The following ADGRB3 variants were observed in gnomAD, a reference collection of about 807,000 sequenced individuals.
ADGRB3 encodes adhesion G protein-coupled receptor B3, also known as brain-specific angiogenesis inhibitor 3.
ADGRB3 carries 37 observed loss-of-function variants against 193.4 expected under a neutral mutation model. The observed-to-expected ratio is 0.19, with a 90% confidence interval of 0.15 to 0.25. The LOEUF (loss-of-function observed/expected upper bound fraction) is 0.25, where lower values mean the gene tolerates loss of function less well. Ranked by LOEUF, ADGRB3 falls within the 10% of genes least tolerant of loss-of-function variation. The probability of loss-of-function intolerance (pLI) is 1.00; values close to 1 mark genes in which losing one functional copy is unlikely to be tolerated. For synonymous variants in ADGRB3, 690 were observed against 644.2 expected, an observed-to-expected ratio of 1.07 and a Z score of -1.08; for missense variants, 1,637 against 1,852.9, an observed-to-expected ratio of 0.88 and a Z score of 2.14.
chr6:68,979,715 C>T (rs1377301216), intron 10 of ADGRB3, among the ~76,000 whole-genome samples: 1 of 151,362 alleles, frequency 6.6e-6, no homozygotes, highest in Non-Finnish European at 1.5e-5. Flanking sequence ...TTAACAATAT[C>T]ATTTCTTATT....
At chr6:68,899,845 A>G (rs1766344069) in intron 3 of ADGRB3, among the ~76,000 whole-genome samples, 1 of 152,090 alleles carries the variant, frequency 6.6e-6, no homozygotes, top group Non-Finnish European at 1.5e-5. Flanking sequence ...AATAATAAAA[A>G]TTACTAAACA....
intron 3 of ADGRB3, among the ~76,000 whole-genome samples, chr6:68,727,878 C>G (rs1199057759): frequency 6.6e-6 from 1 of 151,550 alleles, no homozygotes; most frequent in African/African-American, 2.4e-5. Context: ...CCTCAATCAG[C>G]TGACATAAAA....
chr6:68,878,181 C>T (rs573785256), intron 3 of ADGRB3, among the ~76,000 whole-genome samples: 1 of 151,670 alleles, frequency 6.6e-6, no homozygotes, highest in African/African-American at 2.4e-5. Flanking sequence ...TAAAATACTT[C>T]TTTTTCTTTT....
At chr6:69,056,241 CTTG>C (rs1186929010) in intron 15 of ADGRB3, among the ~76,000 whole-genome samples, 20 of 152,012 alleles carry the variant, frequency 1.3e-4, no homozygotes, top group Non-Finnish European at 2.8e-4. Flanking sequence ...TTTTTATATC[CTTG>C]TTGTCCATTT....
At position 68,694,436 on chromosome 6, in the gene ADGRB3, A is replaced by T. The variant is rs567875594; in HGVS notation, c.757+55004A>T. Among the ~76,000 whole-genome samples the T allele has an allele frequency of 5.9e-5, 9 of 152,042 alleles. No individual in the cohort carries two copies. In the South Asian group the frequency reaches 1.7e-3, roughly 28 times the overall value. ...CCACCACTATACTGAGATTTATCGA[A>T]GTTTGAGAGGGTAACTAGTATCAAG... is the stretch of plus-strand genomic sequence containing the variant. On this transcript the variant is annotated intron_variant, in intron 3 of 31. Coordinates refer to ENST00000370598, the MANE Select transcript of ADGRB3 (RefSeq NM_001704.3).
At chr6:69,387,820 TA>T (rs1307121734) in intron 31 of ADGRB3, among the ~76,000 whole-genome samples, 1 of 152,110 alleles carries the variant, frequency 6.6e-6, no homozygotes, top group Non-Finnish European at 1.5e-5. Flanking sequence ...GTTCACTTGG[TA>T]ATTGATTATA....
chr6:68,642,168 C>T (rs894818593), intron 3 of ADGRB3, among the ~76,000 whole-genome samples: 4 of 152,136 alleles, frequency 2.6e-5, no homozygotes, highest in African/African-American at 7.2e-5. Context: ...TAAATACTGA[C>T]TCAGAAGGCC....
chr6:69,174,723 C>G (rs1775377463), intron 17 of ADGRB3, among the ~76,000 whole-genome samples: 1 of 152,108 alleles, frequency 6.6e-6, no homozygotes, highest in Non-Finnish European at 1.5e-5. Context: ...ACATTCCCAC[C>G]ACAGTGTACA....
At chr6:69,359,407 A>G (rs1769399624) in intron 28 of ADGRB3, among the ~76,000 whole-genome samples, 1 of 151,656 alleles carries the variant, frequency 6.6e-6, no homozygotes, top group Non-Finnish European at 1.5e-5. Context: ...TATGTATAAC[A>G]CTTAATTACA....
In ADGRB3 at chr6:68,639,236, A is replaced by G. The variant is rs766666194; in HGVS notation, c.561A>G (p.Glu187=). 1.2e-6 allele frequency: 2 copies of G among 1,614,180 alleles called. No individual in the cohort carries two copies. The highest frequency in any genetic ancestry group is 8.5e-7 in the Non-Finnish European group (1 of 1,180,038). ...TAAAATCAGAAAATGGGAGAACAGA[A>G]TCATGTGGGATCATGTATACAAAAT... is the stretch of plus-strand genomic sequence containing the variant. ...SCLKSENGRT[E]SCGIMYTKCT... is the part of the protein sequence containing the mutation. Residue 187 remains glutamate, a synonymous_variant, in exon 3 of 32, where the codon GAA becomes GAG. Transcript: ENST00000370598.
chr6:68,719,418 T>C (rs548192831), intron 3 of ADGRB3, among the ~76,000 whole-genome samples: 1 of 151,890 alleles, frequency 6.6e-6, no homozygotes, highest in East Asian at 1.9e-4. Context: ...GACCACCATA[T>C]TGGACAATGT....
chr6:69,144,017 A>T (rs1243881926), intron 17 of ADGRB3, among the ~76,000 whole-genome samples: 1 of 152,176 alleles, frequency 6.6e-6, no homozygotes, highest in Non-Finnish European at 1.5e-5. Flanking sequence ...CCATGAACAC[A>T]GAATACCTTT....
At chr6:69,366,142 T>C (rs1256402054) in intron 29 of ADGRB3, among the ~76,000 whole-genome samples, 1 of 152,124 alleles carries the variant, frequency 6.6e-6, no homozygotes, top group Non-Finnish European at 1.5e-5. Flanking sequence ...TTTACATTTT[T>C]TTTCTCATGT....
At chr6:68,745,036 G>T (rs1766056705) in intron 3 of ADGRB3, among the ~76,000 whole-genome samples, 1 of 152,070 alleles carries the variant, frequency 6.6e-6, no homozygotes, top group South Asian at 2.1e-4. Flanking sequence ...TATAGCCTGT[G>T]GGTGAGTGGT....
chr6:68,663,073 C>A (rs530789040), intron 3 of ADGRB3, among the ~76,000 whole-genome samples: 1 of 151,122 alleles, frequency 6.6e-6, no homozygotes, highest in Non-Finnish European at 1.5e-5. Context: ...AAAAGTAAAT[C>A]GAAATACATA....
intron 17 of ADGRB3, among the ~76,000 whole-genome samples, chr6:69,129,575 A>T (rs1339818674): frequency 1.3e-5 from 2 of 152,172 alleles, no homozygotes; most frequent in African/African-American, 4.8e-5. Flanking sequence ...TGGGAAGAAT[A>T]TCACAAATTG....
At chr6:68,819,933 T>C (rs983741557) in intron 3 of ADGRB3, among the ~76,000 whole-genome samples, 2 of 152,252 alleles carry the variant, frequency 1.3e-5, no homozygotes, top group African/African-American at 4.8e-5. Flanking sequence ...TAGCCTGAGC[T>C]ATTTTAAATA....
At chr6:68,697,128 T>C (rs951842172) in intron 3 of ADGRB3, among the ~76,000 whole-genome samples, 5 of 152,012 alleles carry the variant, frequency 3.3e-5, no homozygotes, top group African/African-American at 1.2e-4. Context: ...AAAAGAAAGC[T>C]TCCCATATTA....
chr6:69,172,008 C>T (rs960173158), intron 17 of ADGRB3, among the ~76,000 whole-genome samples: 27 of 152,108 alleles, frequency 1.8e-4, no homozygotes, highest in Admixed American at 1.8e-3. Context: ...AAGTATGGTA[C>T]CTCAGCGCTG....
Sources: gnomAD v4.1 joint callset for allele counts (sites outside exome capture counted in the v4.1 genomes callset) on GRCh38, gnomAD v4.1.1 for gene constraint, MANE v1.5 for transcripts, NCBI Gene and HGNC (gene_info 2026-07-23, HGNC 2026-07-21) for gene names.